Variants in WDR41 observed in about 807,000 individuals in gnomAD.
WDR41 encodes the protein WD repeat domain 41.
WDR41 carries 63 observed loss-of-function variants against 69.3 expected under a neutral mutation model. The ratio of observed to expected loss-of-function variants is 0.91; its 90% confidence interval spans 0.74 to 1.12. The LOEUF is 1.12. Ranked by LOEUF, WDR41 falls within the 50% of genes most tolerant of loss-of-function variation. The probability of loss-of-function intolerance (pLI) is 0.00; values close to 1 mark genes in which losing one functional copy is unlikely to be tolerated. For missense variants in WDR41, 543 were observed against 534.5 expected (o/e 1.02, Z -0.16); for synonymous variants, 185 against 192.1 (o/e 0.96, Z 0.31).
chr5:77,516,132 C>G (rs185943125), intron 1 of WDR41, among the ~76,000 whole-genome samples: 148 of 152,220 alleles, frequency 9.7e-4, no homozygotes, highest in African/African-American at 3.2e-3. Flanking sequence ...AATGGTAGGC[C>G]AGTTTCCTTT....
chr5:77,546,095 G>A (rs936623255), intron 1 of WDR41: 16 of 526,072 alleles, frequency 3.0e-5, no homozygotes, highest in East Asian at 6.6e-5. Flanking sequence ...GGGCAACTTC[G>A]GCAAGGCCAC....
intron 2 of WDR41, among the ~76,000 whole-genome samples, chr5:77,476,016 A>C (rs935413008): frequency 6.6e-6 from 1 of 152,356 alleles, no homozygotes; most frequent in African/African-American, 2.4e-5. Context: ...CCAGAACTAC[A>C]TGAAGAATGC....
chr5:77,468,083 A>C (rs1272255058), intron 2 of WDR41, among the ~76,000 whole-genome samples: 1 of 152,086 alleles, frequency 6.6e-6, no homozygotes, highest in Non-Finnish European at 1.5e-5. Flanking sequence ...TAAATGACTA[A>C]GCAAAACTTA....
chr5:77,475,902 C>CAAAG (rs1372086040), intron 2 of WDR41, among the ~76,000 whole-genome samples: 3 of 151,928 alleles, frequency 2.0e-5, no homozygotes, highest in African/African-American at 7.2e-5. Context: ...AAACCAAAGG[C>CAAAG]AAAGAAGTTG....
intron 1 of WDR41, chr5:77,545,981 C>T: frequency 4.1e-6 from 2 of 486,112 alleles, no homozygotes; most frequent in Non-Finnish European, 3.6e-6. Flanking sequence ...CATCCCTGTG[C>T]CCAGGAGCAC....
intron 1 of WDR41, among the ~76,000 whole-genome samples, chr5:77,559,128 A>C (rs114766503): frequency 3.9e-5 from 6 of 152,308 alleles, no homozygotes; most frequent in Non-Finnish European, 7.3e-5. Flanking sequence ...TAAATAGTTA[A>C]CAACCAGCTA....
intron 1 of WDR41, among the ~76,000 whole-genome samples, chr5:77,598,644 C>CTTTTTTTTTTT (rs765785617): frequency 8.2e-6 from 1 of 121,358 alleles, no homozygotes; most frequent in Non-Finnish European, 1.8e-5. Flanking sequence ...AGTAAGTTTC[C>CTTTTTTTTTTT]TTTTTTTTTT....
intron 2 of WDR41, among the ~76,000 whole-genome samples, chr5:77,473,302 G>A (rs1485379058): frequency 1.3e-5 from 2 of 152,084 alleles, no homozygotes; most frequent in South Asian, 2.1e-4. Flanking sequence ...TTCAAGATGG[G>A]TTAAACACTT....
At chr5:77,472,801 C>G (rs559234561) in intron 2 of WDR41, among the ~76,000 whole-genome samples, 1 of 152,006 alleles carries the variant, frequency 6.6e-6, no homozygotes, top group Non-Finnish European at 1.5e-5. Context: ...ACATTCCATG[C>G]TCATGGGTAG....
At chr5:77,613,196 TATC>T (rs993981269) in intron 1 of WDR41, among the ~76,000 whole-genome samples, 92 of 152,234 alleles carry the variant, frequency 6.0e-4, no homozygotes, top group African/African-American at 2.1e-3. Context: ...GAAGAATCAA[TATC>T]ATGAAAATGG....
chr5:77,456,260 T>C (rs1222454634), intron 5 of WDR41, among the ~76,000 whole-genome samples: 2 of 152,198 alleles, frequency 1.3e-5, no homozygotes, highest in African/African-American at 4.8e-5. Flanking sequence ...CCTCCCACCT[T>C]GGCCTCCCAA....
At chr5:77,484,861 G>A (rs952696778) in intron 2 of WDR41, among the ~76,000 whole-genome samples, 1 of 152,150 alleles carries the variant, frequency 6.6e-6, no homozygotes, top group Non-Finnish European at 1.5e-5. Context: ...TTGACTTCAG[G>A]ATCCATTTCT....
rs767349824 is a variant in WDR41 at position 77,595,451 on chromosome 5, T to C, written c.42+25028A>G. 3.9e-5 allele frequency among the ~76,000 whole-genome samples: 6 copies of C among 152,326 alleles called. No individual in the cohort carries two copies. In the East Asian group the frequency reaches 1.2e-3, roughly 29 times the overall value. On this transcript the variant is annotated intron_variant, in intron 1 of 5. Coordinates refer to the WDR41 transcript ENST00000509971. Reference sequence around the variant, plus strand: ...TTCTGTTCAAGACCCTTGTTTCCCCTTGTAGCATGTCAAATTGCCCCCAAA... The same window carrying C: ...TTCTGTTCAAGACCCTTGTTTCCCCCTGTAGCATGTCAAATTGCCCCCAAA...
Position 77,440,981 on chromosome 5 carries a change from G to A in WDR41, c.714C>T (p.Thr238=), listed in dbSNP as rs148112038. Residue 238 remains threonine, a synonymous_variant, in exon 9 of 13, where the codon ACC becomes ACT. Coordinates refer to ENST00000296679, the MANE Select transcript of WDR41 (RefSeq NM_018268.4). ...LINVNDLSFV[T]GSHVGELIIW... ...TGATCAGCTCTCCGACGTGGGAGCC[G>A]GTGACAAAACTCAAATCTAGGCAAA... 510 of 1,612,818 alleles carry A rather than the reference G, an allele frequency of 3.2e-4. No homozygotes were observed. The highest frequency in any genetic ancestry group is 4.1e-4 in the Non-Finnish European group (482 of 1,179,568).
upstream of WDR41, among the ~76,000 whole-genome samples, chr5:77,494,645 T>C (rs1801912876): frequency 6.6e-6 from 1 of 152,110 alleles, no homozygotes; most frequent in African/African-American, 2.4e-5. Flanking sequence ...CACCTAATAA[T>C]AGACCCTCAA....
chr5:77,462,480 T>C (rs1800116307), intron 4 of WDR41, among the ~76,000 whole-genome samples: 2 of 151,502 alleles, frequency 1.3e-5, no homozygotes, highest in African/African-American at 2.4e-5. Flanking sequence ...AATGAGTTAA[T>C]ATATGTAAAA....
chr5:77,582,341 G>A (rs1345841476), intron 1 of WDR41: 11 of 1,575,314 alleles, frequency 7.0e-6, no homozygotes, highest in African/African-American at 2.7e-5. Context: ...TGCAGAGTAC[G>A]CATGCGCCAA....
intron 1 of WDR41, among the ~76,000 whole-genome samples, chr5:77,516,875 G>A (rs1802298018): frequency 6.6e-6 from 1 of 151,966 alleles, no homozygotes; most frequent in African/African-American, 2.4e-5. Context: ...AAATTAGCCG[G>A]GTGTGGTAGC....
chr5:77,496,592 ACATTG>A (rs1379236148), upstream of WDR41, among the ~76,000 whole-genome samples: 2 of 152,088 alleles, frequency 1.3e-5, no homozygotes, highest in Non-Finnish European at 1.5e-5. Flanking sequence ...AAACAACAAA[ACATTG>A]CTGAAAGAAA....
Sources: allele counts gnomAD v4.1 joint callset (sites outside exome capture counted in the v4.1 genomes callset), GRCh38; gene constraint gnomAD v4.1.1; transcripts MANE v1.5; gene names NCBI Gene and HGNC (gene_info 2026-07-23, HGNC 2026-07-21).